NTM: variants seen among roughly 807,000 people sequenced by gnomAD.
The protein encoded by NTM is neurotrimin, also known as IgLON family member 2.
In NTM, 13 loss-of-function variants were observed where a neutral mutation model predicts 42.1. That is an observed-to-expected ratio of 0.31 (90% CI 0.20 to 0.49). The LOEUF is 0.49. Ranked by LOEUF, NTM falls within the 20% of genes least tolerant of loss-of-function variation. NTM has a pLI of 0.99. For synonymous variants in NTM, 187 were observed against 179.2 expected, an observed-to-expected ratio of 1.04 and a Z score of -0.35; for missense variants, 373 against 452.8, an observed-to-expected ratio of 0.82 and a Z score of 1.60.
intron 1 of NTM, among the ~76,000 whole-genome samples, chr11:131,495,127 A>C (rs1003344595): frequency 6.6e-6 from 1 of 152,136 alleles, no homozygotes; most frequent in African/African-American, 2.4e-5. Flanking sequence ...ACATGGGCAG[A>C]CTCTGAGCTT....
At chr11:132,237,362 T>C (rs567912164) in intron 4 of NTM, among the ~76,000 whole-genome samples, 53 of 152,290 alleles carry the variant, frequency 3.5e-4, no homozygotes, top group African/African-American at 1.2e-3. Context: ...GGGTTTTTCT[T>C]TGGGATCTCG....
intron 2 of NTM, among the ~76,000 whole-genome samples, chr11:131,929,795 TA>T (rs2058398437): frequency 6.6e-6 from 1 of 152,150 alleles, no homozygotes; most frequent in African/African-American, 2.4e-5. Flanking sequence ...CCTGGGTGAA[TA>T]AACACCAGGC....
At chr11:131,916,300 C>T (rs1413079459) in intron 2 of NTM, among the ~76,000 whole-genome samples, 6 of 152,194 alleles carry the variant, frequency 3.9e-5, no homozygotes, top group Non-Finnish European at 7.3e-5. Flanking sequence ...TGTCACTTGG[C>T]AGTTTCAATG....
At chr11:131,481,762 T>C (rs1207920593) in intron 1 of NTM, among the ~76,000 whole-genome samples, 4 of 152,178 alleles carry the variant, frequency 2.6e-5, no homozygotes, top group African/African-American at 9.7e-5. Flanking sequence ...GTACAATCTC[T>C]GCTTTTGAAA....
intron 2 of NTM, among the ~76,000 whole-genome samples, chr11:131,986,080 G>T (rs1157169807): frequency 6.6e-6 from 1 of 152,154 alleles, no homozygotes; most frequent in Non-Finnish European, 1.5e-5. Context: ...AACTATGCTG[G>T]ATCTCTTTGG....
intron 1 of NTM, among the ~76,000 whole-genome samples, chr11:131,636,552 A>T (rs2064416566): frequency 6.6e-6 from 1 of 152,204 alleles, no homozygotes; most frequent in African/African-American, 2.4e-5. Context: ...GCGTTGTAAC[A>T]TAAAACGATG....
chr11:131,376,933 A>T (rs777245049), intron 1 of NTM, among the ~76,000 whole-genome samples: 29 of 152,168 alleles, frequency 1.9e-4, no homozygotes, highest in Admixed American at 3.9e-4. Flanking sequence ...CTGGAGATAA[A>T]ACAGCGATGA....
At chr11:132,064,607 A>G (rs1206311696) in intron 2 of NTM, among the ~76,000 whole-genome samples, 3 of 152,130 alleles carry the variant, frequency 2.0e-5, no homozygotes, top group Non-Finnish European at 2.9e-5. Flanking sequence ...AAGCCATGGG[A>G]TTTCGGATGA....
At chr11:131,568,701 C>T (rs900692338) in intron 1 of NTM, among the ~76,000 whole-genome samples, 4 of 152,166 alleles carry the variant, frequency 2.6e-5, no homozygotes, top group Non-Finnish European at 5.9e-5. Flanking sequence ...CCTAGGTCCA[C>T]TCACCTCTCT....
intron 2 of NTM, among the ~76,000 whole-genome samples, chr11:132,089,032 G>A (rs1414910023): frequency 6.6e-6 from 1 of 152,130 alleles, no homozygotes; most frequent in South Asian, 2.1e-4. Context: ...TTGATGAGAG[G>A]AATGAGCAGG....
At chr11:131,614,773 A>C (rs2061763594) in intron 1 of NTM, among the ~76,000 whole-genome samples, 1 of 152,244 alleles carries the variant, frequency 6.6e-6, no homozygotes, top group South Asian at 2.1e-4. Context: ...TTGCAGCTGC[A>C]TATTGTCCAT....
intron 1 of NTM, among the ~76,000 whole-genome samples, chr11:131,516,819 T>A (rs2048953458): frequency 6.6e-6 from 1 of 152,248 alleles, no homozygotes; most frequent in African/African-American, 2.4e-5. Flanking sequence ...TCTGTCTCTC[T>A]CTGTTTCACT....
At chr11:131,656,917 C>T (rs146216379) in intron 1 of NTM, among the ~76,000 whole-genome samples, 21 of 152,006 alleles carry the variant, frequency 1.4e-4, no homozygotes, top group Admixed American at 2.6e-4. Flanking sequence ...TAAGTTTGAC[C>T]GAGTCATCTG....
chr11:131,983,200 G>T (rs1269894261), intron 2 of NTM, among the ~76,000 whole-genome samples: 1 of 151,910 alleles, frequency 6.6e-6, no homozygotes, highest in South Asian at 2.1e-4. Context: ...AACCTGTATT[G>T]TACCTTCAAT....
intron 1 of NTM, among the ~76,000 whole-genome samples, chr11:131,862,207 G>A (rs1251960286): frequency 2.0e-5 from 3 of 152,156 alleles, no homozygotes; most frequent in Non-Finnish European, 4.4e-5. Flanking sequence ...CTGTGGAGGA[G>A]GGAACATGTA....
chr11:132,188,868 CTGAT>C (rs774886913), intron 3 of NTM, among the ~76,000 whole-genome samples: 46 of 152,346 alleles, frequency 3.0e-4, no homozygotes, highest in Middle Eastern at 3.4e-3. Context: ...CCCTGGTTCT[CTGAT>C]TGACAGTGTG....
At chr11:132,274,267 T>A (rs1251381319) in intron 4 of NTM, among the ~76,000 whole-genome samples, 1 of 152,122 alleles carries the variant, frequency 6.6e-6, no homozygotes, top group Non-Finnish European at 1.5e-5. Context: ...GCTTAGTTTA[T>A]GCCTTTTTGT....
chr11:131,943,400 T>C (rs541659936), intron 2 of NTM, among the ~76,000 whole-genome samples: 76 of 152,346 alleles, frequency 5.0e-4, no homozygotes, highest in African/African-American at 1.7e-3. Flanking sequence ...CAGCACCCAG[T>C]TGGGAGGGCC....
intron 1 of NTM, among the ~76,000 whole-genome samples, chr11:131,759,981 C>T (rs1049488019): frequency 6.6e-6 from 1 of 151,964 alleles, no homozygotes; most frequent in Non-Finnish European, 1.5e-5. Flanking sequence ...AAAGCAGAAC[C>T]TAATTTTGAA....
Sources: allele counts gnomAD v4.1 joint callset (sites outside exome capture counted in the v4.1 genomes callset), GRCh38; gene constraint gnomAD v4.1.1; transcripts MANE v1.5; gene names NCBI Gene and HGNC (gene_info 2026-07-23, HGNC 2026-07-21).